The following DPP6 variants were observed in gnomAD, a reference collection of about 807,000 sequenced individuals.
DPP6 encodes the protein A-type potassium channel modulatory protein DPP6.
In DPP6, 69 loss-of-function variants were observed where a neutral mutation model predicts 122.6. The observed-to-expected ratio is 0.56, with a 90% CI of 0.46 to 0.69. The LOEUF is 0.69. Ranked by LOEUF, DPP6 falls within the 30% of genes least tolerant of loss-of-function variation. The pLI is 0.00. For missense variants in DPP6, 928 were observed against 1,116.9 expected (o/e 0.83, Z 2.41); for synonymous variants, 418 against 433.1 (o/e 0.97, Z 0.43).
intron 1 of DPP6, among the ~76,000 whole-genome samples, chr7:153,896,026 G>A (rs1799400142): frequency 6.6e-6 from 1 of 152,230 alleles, no homozygotes; most frequent in Non-Finnish European, 1.5e-5. Context: ...CCAATTGGAT[G>A]GGATGGGACT....
At chr7:154,860,390 G>C (rs1477953084) in intron 17 of DPP6, among the ~76,000 whole-genome samples, 3 of 152,212 alleles carry the variant, frequency 2.0e-5, no homozygotes, top group African/African-American at 7.2e-5. Context: ...ACTGTCAGAC[G>C]TCCCTCTCGA....
At chr7:154,256,125 G>A (rs962310579) in intron 1 of DPP6, among the ~76,000 whole-genome samples, 5 of 152,102 alleles carry the variant, frequency 3.3e-5, no homozygotes, top group African/African-American at 4.8e-5. Flanking sequence ...CTGTAGACTC[G>A]AACATGATTT....
intron 1 of DPP6, among the ~76,000 whole-genome samples, chr7:154,156,071 C>T (rs1463414881): frequency 2.6e-5 from 4 of 152,246 alleles, no homozygotes; most frequent in Non-Finnish European, 5.9e-5. Context: ...CTGTCTTCCC[C>T]TCTTGGATGT....
intron 1 of DPP6, among the ~76,000 whole-genome samples, chr7:154,145,021 TAAGATGCCTCCC>T (rs1270047477): frequency 6.6e-6 from 1 of 152,092 alleles, no homozygotes; most frequent in Non-Finnish European, 1.5e-5. Context: ...GGCACAATTC[TAAGATGCCTCCC>T]AAAATGCTCA....
the DPP6 span, among the ~76,000 whole-genome samples, chr7:153,761,118 C>T: frequency 6.6e-6 from 1 of 152,174 alleles, no homozygotes; most frequent in African/African-American, 2.4e-5. Context: ...TATCAGAAAT[C>T]AGTGTCCTTC....
the DPP6 span, among the ~76,000 whole-genome samples, chr7:153,754,744 A>T: frequency 1.3e-5 from 2 of 152,056 alleles, no homozygotes; most frequent in African/African-American, 2.4e-5. Flanking sequence ...TCTTTTTCAG[A>T]TTTAATTTCT....
At chr7:154,105,189 A>G (rs1171677229) in intron 1 of DPP6, among the ~76,000 whole-genome samples, 1 of 152,236 alleles carries the variant, frequency 6.6e-6, no homozygotes, top group Non-Finnish European at 1.5e-5. Context: ...TCTGACACGT[A>G]ATCTAAGATG....
rs1197110901 is a variant in DPP6, at chr7:154,821,940, G to A, written c.1666+14828G>A. On this transcript the variant is annotated intron_variant, in intron 16 of 25. Coordinates refer to ENST00000377770, the MANE Select transcript of DPP6 (RefSeq NM_130797.4). The surrounding 1 kb of genome is among the most constrained non-coding windows in gnomAD (Gnocchi z 4.2). ...TTGCAGACCCACAGCGGTGCTTCCG[G>A]TTAAAAGCCAGTGTGGAATACATGT... Among the ~76,000 whole-genome samples the A allele has an allele frequency of 6.6e-6, 1 of 152,024 alleles. No individual in the cohort carries two copies. The highest frequency in any genetic ancestry group is 1.5e-5 in the Non-Finnish European group (1 of 68,016).
intron 7 of DPP6, among the ~76,000 whole-genome samples, chr7:154,720,359 G>A (rs892939332): frequency 6.6e-6 from 1 of 152,194 alleles, no homozygotes; most frequent in Admixed American, 6.5e-5. Context: ...TCACTTACTA[G>A]TGGGGGCTGG....
At chr7:154,320,022 A>G (rs905570845) in intron 1 of DPP6, among the ~76,000 whole-genome samples, 2 of 143,718 alleles carry the variant, frequency 1.4e-5, no homozygotes, top group African/African-American at 5.5e-5. Context: ...ATATATATAT[A>G]TATATATATG....
chr7:154,846,943 T>G, intron 16 of DPP6, among the ~76,000 whole-genome samples: 1 of 151,930 alleles, frequency 6.6e-6, no homozygotes, highest in East Asian at 1.9e-4. Context: ...CTCTATAATA[T>G]TCTGCCATGT....
chr7:154,041,143 A>C (rs1321375826), intron 1 of DPP6, among the ~76,000 whole-genome samples: 16 of 152,272 alleles, frequency 1.1e-4, no homozygotes, highest in Middle Eastern at 3.4e-3. Context: ...GTGGCTTTAC[A>C]AATCCTGGAT....
At chr7:154,376,948 T>TC (rs1813179815) in intron 1 of DPP6, among the ~76,000 whole-genome samples, 1 of 152,214 alleles carries the variant, frequency 6.6e-6, no homozygotes, top group African/African-American at 2.4e-5. Context: ...TGTATCCTGT[T>TC]CCTTACCTCT....
intron 1 of DPP6, among the ~76,000 whole-genome samples, chr7:154,340,451 T>C (rs1809826495): frequency 6.6e-6 from 1 of 152,212 alleles, no homozygotes; most frequent in Non-Finnish European, 1.5e-5. Context: ...TGTGTGGCCG[T>C]CTTGAAGGAA....
intron 1 of DPP6, among the ~76,000 whole-genome samples, chr7:154,201,177 G>A (rs1052031335): frequency 2.2e-4 from 33 of 151,930 alleles, no homozygotes; most frequent in Non-Finnish European, 1.5e-5. Flanking sequence ...CCCCAGGCTG[G>A]AATGCAGTGG....
At chr7:154,751,236 G>A (rs1039484756) in intron 8 of DPP6, among the ~76,000 whole-genome samples, 9 of 152,086 alleles carry the variant, frequency 5.9e-5, no homozygotes, top group African/African-American at 2.2e-4. Context: ...CTATCAGCCT[G>A]GGATCAGGTG....
rs559024383 is a variant in DPP6, at chr7:154,282,398, C to T, written c.244-163816C>T. Among the ~76,000 whole-genome samples the T allele has an allele frequency of 7.2e-5, 11 of 152,274 alleles. No homozygotes were observed. The highest frequency in any genetic ancestry group is 2.1e-4 in the South Asian group (1 of 4,818). On this transcript the variant is annotated intron_variant, in intron 1 of 25. Transcript: ENST00000377770. This position sits in a 1 kb window ranked among gnomAD's most constrained non-coding sequence, Gnocchi z 4.8. ...GCACTGTTAACTGAGCAGAGGCAGC[C>T]GTACCTGGGGTGCTGATTAGCACTG...
intron 6 of DPP6, 88 bp downstream of exon 6, chr7:154,637,961 C>T (rs189190401): frequency 4.2e-5 from 58 of 1,396,706 alleles, no homozygotes; most frequent in East Asian, 4.1e-4. Flanking sequence ...ACCCTTAGGG[C>T]GGGAAATGGC....
At chr7:154,148,897 T>C (rs999687505) in intron 1 of DPP6, among the ~76,000 whole-genome samples, 1 of 152,186 alleles carries the variant, frequency 6.6e-6, no homozygotes, top group African/African-American at 2.4e-5. Flanking sequence ...ATCAGGATGA[T>C]ACAAGTGATG....
Sources: allele counts gnomAD v4.1 joint callset (sites outside exome capture counted in the v4.1 genomes callset), GRCh38; gene constraint gnomAD v4.1.1; non-coding constraint Gnocchi (gnomAD v3.1); transcripts MANE v1.5; gene names NCBI Gene and HGNC (gene_info 2026-07-23, HGNC 2026-07-21).